The following KCTD8 variants were observed in gnomAD, a reference collection of about 807,000 sequenced individuals.
KCTD8 encodes the protein BTB/POZ domain-containing protein KCTD8.
Under a neutral mutation model 31.5 loss-of-function variants are expected in KCTD8, and 27 were observed. The ratio of observed to expected loss-of-function variants is 0.86; its 90% CI spans 0.63 to 1.18. The LOEUF (loss-of-function observed/expected upper bound fraction) is 1.18, where lower values mean the gene tolerates loss of function less well. Among genes scored for constraint, KCTD8 ranks in the 50% most tolerant of loss-of-function variants. The probability of loss-of-function intolerance (pLI) is 0.00; values close to 1 mark genes in which losing one functional copy is unlikely to be tolerated. For missense variants in KCTD8, 658 were observed against 647.7 expected, an observed-to-expected ratio of 1.02 and a Z score of -0.17; for synonymous variants, 290 against 280.0, an observed-to-expected ratio of 1.04 and a Z score of -0.36.
rs774774590 is a variant in KCTD8, at chr4:44,448,445, C to A, written c.79G>T (p.Gly27Cys). Reference sequence around the variant, plus strand: ...CCCGGGGCGGCGGCGGCCGACGCGCCGGGCGAGCTGGACGAGGAAACCATC... The same window carrying A: ...CCCGGGGCGGCGGCGGCCGACGCGCAGGGCGAGCTGGACGAGGAAACCATC... ...SEMVSSSSSP[G>C]ASAAAAPGPC... The change falls in exon 1 of 2, where the codon GGC (glycine) becomes TGC (cysteine). Residue 27 changes from glycine (G) to cysteine (C), a missense_variant. Gly to Cys is a radical substitution (Grantham distance 159, BLOSUM62 -3). Coordinates refer to ENST00000360029, the MANE Select transcript of KCTD8 (RefSeq NM_198353.3). This position sits in a 1 kb window ranked among gnomAD's most constrained non-coding sequence, Gnocchi z 4.1. 4 of 1,545,596 alleles carry A rather than the reference C, an allele frequency of 2.6e-6. No individual in the cohort carries two copies. The South Asian group carries it at 5.0e-5, about 19-fold the overall frequency.
intron 1 of KCTD8, among the ~76,000 whole-genome samples, chr4:44,377,560 T>C (rs2109440502): frequency 6.6e-6 from 1 of 152,244 alleles, no homozygotes; most frequent in East Asian, 1.9e-4. Flanking sequence ...AGATTTAACA[T>C]ATGCTTGGGG....
intron 1 of KCTD8, among the ~76,000 whole-genome samples, chr4:44,403,301 T>TA (rs1166710165): frequency 2.0e-5 from 3 of 151,746 alleles, no homozygotes; most frequent in Non-Finnish European, 2.9e-5. Flanking sequence ...ATCTCAATAA[T>TA]AAAAAAATAT....
Position 44,235,563 on chromosome 4 carries a change from ATATATATATATATT to A in KCTD8, c.962-60327_962-60314del, listed in dbSNP as rs1335282268. On this transcript the variant is annotated intron_variant, in intron 1 of 1. Transcript: ENST00000360029. The stretch of plus-strand genomic sequence containing the variant: ...TATATATATATATATATATATATAT[ATATATATATATATT>A]TAGAGAGAGAGAGAGAGAGAGAGAG... Among the ~76,000 whole-genome samples, 154 of 73,348 alleles carry A rather than the reference ATATATATATATATT, an allele frequency of 2.1e-3. 1 individual carries two copies. The highest frequency in any genetic ancestry group is 7.0e-3 in the African/African-American group (111 of 15,772). 48.1% of individuals were successfully genotyped at this position (73,348 alleles called of 152,430 possible).
chr4:44,281,610 C>T (rs1049154428), intron 1 of KCTD8, among the ~76,000 whole-genome samples: 4 of 151,994 alleles, frequency 2.6e-5, no homozygotes, highest in Admixed American at 6.6e-5. Context: ...TTACTGTTGC[C>T]GTTCCAACCA....
intron 1 of KCTD8, among the ~76,000 whole-genome samples, chr4:44,313,590 G>A (rs574610550): frequency 5.9e-5 from 9 of 152,184 alleles, no homozygotes; most frequent in Admixed American, 2.6e-4. Context: ...AGTAATTGCC[G>A]TTCATTTAAC....
intron 1 of KCTD8, among the ~76,000 whole-genome samples, chr4:44,242,017 A>G (rs1715517232): frequency 2.0e-5 from 3 of 152,232 alleles, no homozygotes; most frequent in Admixed American, 1.3e-4. Flanking sequence ...GCTTTGGCCT[A>G]ATCTTAGGCT....
chr4:44,442,328 T>A (rs879649492), intron 1 of KCTD8, among the ~76,000 whole-genome samples: 27 of 152,222 alleles, frequency 1.8e-4, no homozygotes, highest in Non-Finnish European at 3.5e-4. Flanking sequence ...AGCTCACGCC[T>A]GTAATCCCAG....
At chr4:44,399,824 C>A (rs1720600804) in intron 1 of KCTD8, among the ~76,000 whole-genome samples, 1 of 152,112 alleles carries the variant, frequency 6.6e-6, no homozygotes, top group Non-Finnish European at 1.5e-5. Flanking sequence ...TGTTTCCCTC[C>A]CTCCAATTCC....
intron 1 of KCTD8, among the ~76,000 whole-genome samples, chr4:44,247,326 C>G (rs957397760): frequency 6.6e-6 from 1 of 151,964 alleles, no homozygotes; most frequent in South Asian, 2.1e-4. Context: ...TTAATCACTC[C>G]TAATAGTTCC....
intron 1 of KCTD8, among the ~76,000 whole-genome samples, chr4:44,271,846 C>A (rs1005074621): frequency 2.6e-5 from 4 of 151,978 alleles, no homozygotes; most frequent in African/African-American, 9.7e-5. Context: ...GGGTAAATCT[C>A]TGTTTGGGGC....
At chr4:44,436,224 G>A (rs1454030722) in intron 1 of KCTD8, among the ~76,000 whole-genome samples, 1 of 152,018 alleles carries the variant, frequency 6.6e-6, no homozygotes, top group East Asian at 1.9e-4. Context: ...AGTCATGGTC[G>A]AGTCAATGTC....
intron 1 of KCTD8, among the ~76,000 whole-genome samples, chr4:44,443,546 C>T (rs1721863863): frequency 6.6e-6 from 1 of 152,088 alleles, no homozygotes; most frequent in African/African-American, 2.4e-5. Flanking sequence ...TTTCCCAGCC[C>T]AGTTCAGTAA....
chr4:44,277,717 A>T (rs1460634348), intron 1 of KCTD8, among the ~76,000 whole-genome samples: 1 of 151,912 alleles, frequency 6.6e-6, no homozygotes, highest in African/African-American at 2.4e-5. Context: ...TAAACATTTT[A>T]CGTGCATCAT....
At chr4:44,302,344 C>T (rs1560420283) in intron 1 of KCTD8, among the ~76,000 whole-genome samples, 1 of 152,136 alleles carries the variant, frequency 6.6e-6, no homozygotes, top group Non-Finnish European at 1.5e-5. Context: ...TTCTTCCTAC[C>T]CATGAGCATG....
At chr4:44,275,549 C>G (rs1297134636) in intron 1 of KCTD8, among the ~76,000 whole-genome samples, 2 of 152,002 alleles carry the variant, frequency 1.3e-5, no homozygotes, top group Non-Finnish European at 2.9e-5. Context: ...AATGAGGACA[C>G]AAACTGACTT....
intron 1 of KCTD8, among the ~76,000 whole-genome samples, chr4:44,290,603 C>A (rs1166043671): frequency 1.3e-5 from 2 of 152,102 alleles, no homozygotes; most frequent in Non-Finnish European, 2.9e-5. Flanking sequence ...GAAACCATAT[C>A]AAGCACTCTC....
chr4:44,399,453 G>A (rs1387157651), intron 1 of KCTD8, among the ~76,000 whole-genome samples: 1 of 152,162 alleles, frequency 6.6e-6, no homozygotes, highest in Non-Finnish European at 1.5e-5. Context: ...GGAGACTAAG[G>A]ATGTAAGCAA....
At chr4:44,187,336 C>A (rs893013918) in intron 1 of KCTD8, among the ~76,000 whole-genome samples, 7 of 152,180 alleles carry the variant, frequency 4.6e-5, no homozygotes, top group South Asian at 2.1e-4. Flanking sequence ...TGCAAGAGCT[C>A]TTCATTTAAA....
intron 1 of KCTD8, among the ~76,000 whole-genome samples, chr4:44,219,207 T>A (rs374849694): frequency 2.4e-4 from 36 of 152,374 alleles, no homozygotes; most frequent in African/African-American, 7.7e-4. Context: ...GCAAGTATAA[T>A]TTTATTCATT....
Sources: allele counts gnomAD v4.1 joint callset (sites outside exome capture counted in the v4.1 genomes callset), GRCh38; gene constraint gnomAD v4.1.1; non-coding constraint Gnocchi (gnomAD v3.1); transcripts MANE v1.5; gene names NCBI Gene and HGNC (gene_info 2026-07-23, HGNC 2026-07-21).